The following TIAM2 variants were observed in gnomAD, a reference collection of about 807,000 sequenced individuals.
The protein encoded by TIAM2 is TIAM Rac1 associated GEF 2.
Under a neutral mutation model 152.9 loss-of-function variants are expected in TIAM2, and 80 were observed. The ratio of observed to expected loss-of-function variants is 0.52; its 90% confidence interval spans 0.44 to 0.63. The LOEUF (loss-of-function observed/expected upper bound fraction) is 0.63, where lower values mean the gene tolerates loss of function less well. TIAM2 is among the 30% of genes least tolerant of loss of function. The pLI, the probability that TIAM2 is intolerant of heterozygous loss-of-function variation, is 0.00. For synonymous variants in TIAM2, 804 were observed against 838.0 expected, an observed-to-expected ratio of 0.96 and a Z score of 0.70; for missense variants, 1,965 against 2,120.1, an observed-to-expected ratio of 0.93 and a Z score of 1.44.
In TIAM2 at chr6:155,205,509, C is replaced by T. The variant is rs565186511; in HGVS notation, c.3065-5695C>T. Among the ~76,000 whole-genome samples, 8 of 152,284 alleles carry T rather than the reference C, an allele frequency of 5.3e-5. No individual in the cohort carries two copies. In the South Asian group the frequency reaches 1.7e-3, roughly 32 times the overall value. On this transcript the variant is annotated intron_variant, in intron 14 of 26. Transcript: ENST00000682666. Reference sequence around the variant, plus strand: ...CTTACAATCAGGAGCTGCCTGGTGTCTCCAGGGTCTGCTGGCGGCCACCTG... The same window carrying T: ...CTTACAATCAGGAGCTGCCTGGTGTTTCCAGGGTCTGCTGGCGGCCACCTG...
chr6:155,176,449 G>A (rs935869670), intron 9 of TIAM2, among the ~76,000 whole-genome samples: 1 of 152,232 alleles, frequency 6.6e-6, no homozygotes, highest in African/African-American at 2.4e-5. Flanking sequence ...GGCCAGGCTG[G>A]TCTCGAACTC....
intron 5 of TIAM2, 62 bp downstream of exon 5, chr6:155,137,674 C>A: frequency 6.7e-7 from 1 of 1,485,848 alleles, no homozygotes. Flanking sequence ...TGCTCTTTGC[C>A]AGGAAGTGCC....
chr6:155,027,448 A>T (rs1776632229), intron 1 of TIAM2, among the ~76,000 whole-genome samples: 2 of 87,704 alleles, frequency 2.3e-5, no homozygotes, highest in South Asian at 7.2e-4. Flanking sequence ...TAATATATAT[A>T]CTGTGTTACA....
chr6:155,035,743 G>A (rs1192757827), intron 1 of TIAM2, among the ~76,000 whole-genome samples: 1 of 152,164 alleles, frequency 6.6e-6, no homozygotes, highest in East Asian at 1.9e-4. Flanking sequence ...AGACTTGTAT[G>A]TTAATGAAAA....
At chr6:155,097,906 A>G (rs1778453465) in intron 2 of TIAM2, among the ~76,000 whole-genome samples, 1 of 152,188 alleles carries the variant, frequency 6.6e-6, no homozygotes, top group African/African-American at 2.4e-5. Context: ...CATTTATTGA[A>G]GAGACTGTCC....
Position 155,118,952 on chromosome 6 carries a change from TA to T in TIAM2, c.-117-8524del, listed in dbSNP as rs1289148333. 6.9e-3 allele frequency among the ~76,000 whole-genome samples: 989 copies of T among 144,318 alleles called. 3 individuals carry two copies. Among genetic ancestry groups the T allele is most frequent in the African/African-American group, 0.017 (680 of 39,622 alleles). The allele number at this position is 144,318 out of a possible 152,430, so 94.7% of individuals were successfully genotyped here. ...TTGCACATTAATGATGGGCCATCTT[TA>T]AAAAAAAAAAAAATCTTGTACTTAC... On this transcript the variant is annotated intron_variant, in intron 2 of 26. Transcript: ENST00000682666.
At chr6:155,079,449 T>C (rs146355607) in intron 1 of TIAM2, among the ~76,000 whole-genome samples, 22 of 152,334 alleles carry the variant, frequency 1.4e-4, no homozygotes, top group African/African-American at 5.1e-4. Flanking sequence ...GTCCTTTGAT[T>C]ACTGGTGCTG....
chr6:154,997,228 TGTCA>T (rs1297815789), intron 1 of TIAM2, among the ~76,000 whole-genome samples: 1 of 152,200 alleles, frequency 6.6e-6, no homozygotes, highest in African/African-American at 2.4e-5. Flanking sequence ...ATTCTTAATG[TGTCA>T]GTCAAATACC....
chr6:155,193,684 C>T (rs143707387), intron 14 of TIAM2, among the ~76,000 whole-genome samples: 6 of 152,236 alleles, frequency 3.9e-5, no homozygotes, highest in African/African-American at 1.4e-4. Context: ...ATGCAGCTGA[C>T]GAGTTGTATG....
At chr6:155,029,647 C>G (rs1437326877) in intron 1 of TIAM2, among the ~76,000 whole-genome samples, 1 of 95,426 alleles carries the variant, frequency 1.0e-5, no homozygotes, top group Non-Finnish European at 2.2e-5. Context: ...AGTTATATAA[C>G]TATATATAGA....
Position 155,257,042 on chromosome 6 carries a change from G to A in TIAM2, c.5027G>A (p.Arg1676Gln), listed in dbSNP as rs774854038. 1.3e-5 allele frequency: 21 copies of A among 1,614,042 alleles called. No homozygotes were observed. The East Asian group carries it at 3.1e-4, about 24-fold the overall frequency. Residue 1676 changes from arginine (R) to glutamine (Q), a missense_variant, in exon 27 of 27, where the codon CGA becomes CAA. This residue lies in a region of TIAM2 where 935 missense variants were observed against 980.0 expected (regional missense o/e 0.95). Coordinates refer to ENST00000682666, the MANE Select transcript of TIAM2 (RefSeq NM_012454.4). ...ATCGACCTAAATTCTGTTCTAGAGC[G>A]AGAATTCAGTGTCCAGAGTTTAACA... ...ATIDLNSVLEREFSVQSLTSV... is the reference protein window; with the variant it reads ...ATIDLNSVLEQEFSVQSLTSV...
At chr6:155,127,450 A>T (rs1209585021) in intron 2 of TIAM2, 40 bp from the exon 3 acceptor site, 3 of 412,388 alleles carry the variant, frequency 7.3e-6, no homozygotes, top group Non-Finnish European at 1.4e-5. Context: ...AGCTTGGAGT[A>T]AAACGCTTCA....
chr6:155,211,178 A>G lies in TIAM2; in HGVS notation c.3065-26A>G, dbSNP rs771257289. ...ATTCTCTGCAAATGGCCAAACTCAT[A>G]TATGTTTTTGTCATTTTTTATGCAG... On this transcript the variant is annotated intron_variant, in intron 14 of 26. Transcript: ENST00000682666. 6 of 1,603,694 alleles carry G rather than the reference A, an allele frequency of 3.7e-6. No homozygotes were observed. In the East Asian group the frequency reaches 1.1e-4, roughly 30 times the overall value.
chr6:155,223,438 A>C (rs1374280945), intron 15 of TIAM2, among the ~76,000 whole-genome samples: 1 of 152,106 alleles, frequency 6.6e-6, no homozygotes, highest in African/African-American at 2.4e-5. Flanking sequence ...TAAATAAATA[A>C]CAACCCCTAG....
intron 2 of TIAM2, among the ~76,000 whole-genome samples, chr6:155,106,073 C>T (rs1208945253): frequency 4.0e-5 from 6 of 151,100 alleles, no homozygotes; most frequent in South Asian, 2.1e-4. Flanking sequence ...GGCGTGATCT[C>T]GGCTCACTGC....
Position 155,247,875 on chromosome 6 carries a change from T to A in TIAM2, c.3653-125T>A. On this transcript the variant is annotated intron_variant, in intron 19 of 26. Transcript: ENST00000682666. ...TGCCTGACCCACTGATGTGTTGGGGTTTTCATTAAAGAATGGCATTAGGAG... is the reference window on the plus strand; with the variant it reads ...TGCCTGACCCACTGATGTGTTGGGGATTTCATTAAAGAATGGCATTAGGAG... 3 of 1,242,090 alleles carry A rather than the reference T, an allele frequency of 2.4e-6. No individual in the cohort carries two copies. The East Asian group carries it at 7.1e-5, about 29-fold the overall frequency. 76.9% of individuals were successfully genotyped at this position (1,242,090 alleles called of 1,614,324 possible).
At chr6:155,183,998 T>C (rs1174330317) in intron 14 of TIAM2, among the ~76,000 whole-genome samples, 7 of 151,102 alleles carry the variant, frequency 4.6e-5, no homozygotes, top group Non-Finnish European at 7.4e-5. Context: ...TTTATTTTTA[T>C]TTTTTTTTGA....
At chr6:155,207,058 G>C (rs1292909530) in intron 14 of TIAM2, among the ~76,000 whole-genome samples, 1 of 152,138 alleles carries the variant, frequency 6.6e-6, no homozygotes, top group East Asian at 1.9e-4. Context: ...CTTCCAGGTG[G>C]GAAGCCAGAT....
intron 1 of TIAM2, among the ~76,000 whole-genome samples, chr6:155,016,713 A>G (rs1474090033): frequency 6.6e-6 from 1 of 151,946 alleles, no homozygotes; most frequent in African/African-American, 2.4e-5. Flanking sequence ...AGCCTGGCCA[A>G]CATGGTGAAA....
Sources: gnomAD v4.1 joint callset for allele counts (sites outside exome capture counted in the v4.1 genomes callset) on GRCh38, gnomAD v4.1.1 for gene constraint, gnomAD v4.1.1 regional missense constraint, MANE v1.5 for transcripts, NCBI Gene and HGNC (gene_info 2026-07-23, HGNC 2026-07-21) for gene names.